Variants in POTEE observed in about 807,000 individuals in gnomAD.
POTEE encodes ANKRD26-like family C member 1A.
A neutral mutation model predicts 74.2 loss-of-function variants in POTEE; 21 were observed. The observed-to-expected ratio is 0.28, with a 90% CI of 0.20 to 0.41. The LOEUF is 0.41. Among genes scored for constraint, POTEE ranks in the 10% least tolerant of loss-of-function variants. POTEE has a pLI of 1.00. For synonymous variants in POTEE, 211 were observed against 432.8 expected, an observed-to-expected ratio of 0.49 and a Z score of 6.36; for missense variants, 525 against 1,158.6, an observed-to-expected ratio of 0.45 and a Z score of 7.94.
intron 1 of POTEE, among the ~76,000 whole-genome samples, chr2:131,210,639 T>A (rs1270747035): frequency 5.9e-5 from 9 of 151,430 alleles, no homozygotes; most frequent in African/African-American, 1.9e-4. Context: ...CCATGCTCTG[T>A]GTTGGGGAGA....
rs185352017 is a variant in POTEE, at chr2:131,211,811, C to T, written c.-189+628C>T. Among the ~76,000 whole-genome samples the T allele has an allele frequency of 7.7e-3, 1,162 of 150,960 alleles. 6 individuals carry two copies. Among genetic ancestry groups the T allele is most frequent in the Non-Finnish European group, 0.012 (842 of 67,776 alleles). On this transcript the variant is annotated intron_variant, in intron 2 of 17. Coordinates refer to ENST00000683005, the MANE Select transcript of POTEE (RefSeq NM_001083538.3). ...GACCTCATGATCCGCCCACCTTGGC[C>T]TCCCAAAGTGCTAGGATTATAGGCG...
intron 16 of POTEE, among the ~76,000 whole-genome samples, chr2:131,260,296 C>G (rs1701672571): frequency 6.7e-6 from 1 of 149,486 alleles, no homozygotes; most frequent in Middle Eastern, 3.4e-3. Flanking sequence ...TGTTGCTGTT[C>G]AGGCTCTTTT....
intron 4 of POTEE, among the ~76,000 whole-genome samples, chr2:131,221,035 G>C (rs1335551463): frequency 6.6e-6 from 1 of 151,658 alleles, no homozygotes; most frequent in Non-Finnish European, 1.5e-5. Flanking sequence ...ATGAAGAACA[G>C]TGGTACTTAC....
At position 131,218,744 on chromosome 2, in the gene POTEE, G is replaced by A. The variant is rs1700519938; in HGVS notation, c.342G>A (p.Lys114=). Residue 114 remains lysine, a synonymous_variant, in exon 4 of 18, where the codon AAG becomes AAA. Transcript: ENST00000683005. ...HCFPCCRGSG[K]SKVGAWGDYD... is the part of the protein sequence containing the mutation. ...TCCCCTGCTGCAGGGGGAGCGGCAA[G>A]AGCAAGGTGGGCGCTTGGGGAGACT... The A allele has an allele frequency of 2.5e-6, 4 of 1,612,944 alleles. No individual in the cohort carries two copies. In the African/African-American group the frequency reaches 5.3e-5, roughly 22 times the overall value.
chr2:131,262,785 G>A (rs1459926224), intron 17 of POTEE, among the ~76,000 whole-genome samples: 5 of 152,274 alleles, frequency 3.3e-5, no homozygotes. Context: ...AGATTTGACA[G>A]TTATAAATAA....
chr2:131,243,225 GT>G (rs1701281586), intron 12 of POTEE, among the ~76,000 whole-genome samples: 1 of 152,198 alleles, frequency 6.6e-6, no homozygotes. Context: ...TTATGTCATC[GT>G]TTCTTAGAGT....
intron 5 of POTEE, 32 bp downstream of exon 5, chr2:131,223,742 T>C (rs756816309): frequency 6.2e-7 from 1 of 1,609,896 alleles, no homozygotes; most frequent in African/African-American, 1.4e-5. Context: ...CAGCATGAGG[T>C]GGGTTTGATT....
chr2:131,230,440 A>G lies in POTEE; in HGVS notation c.1056-396A>G, dbSNP rs1344587098. Among the ~76,000 whole-genome samples the G allele has an allele frequency of 2.0e-5, 3 of 152,192 alleles. No individual in the cohort carries two copies. In the South Asian group the frequency reaches 6.2e-4, roughly 31 times the overall value. On this transcript the variant is annotated intron_variant, in intron 8 of 17. Transcript: ENST00000683005. ...AAAAATGTTATCTCGTTAAACCTTT[A>G]TAACAACCTAGTGAAATAAGGCAGC...
At chr2:131,230,960 A>T in intron 9 of POTEE, 54 bp downstream of exon 9, 1 of 1,534,992 alleles carries the variant, frequency 6.5e-7, no homozygotes, top group Non-Finnish European at 8.8e-7. Context: ...CCTTTTTGAC[A>T]CCAGGGACCG....
At chr2:131,217,814 TG>T (rs1559166912) in intron 3 of POTEE, among the ~76,000 whole-genome samples, 131 bp downstream of exon 3, 1 of 150,250 alleles carries the variant, frequency 6.7e-6, no homozygotes. Flanking sequence ...CTTGCTGGCT[TG>T]TAACGGCTTG....
intron 9 of POTEE, among the ~76,000 whole-genome samples, chr2:131,231,405 T>TGGTTC (rs904634568): frequency 6.6e-6 from 1 of 151,922 alleles, no homozygotes; most frequent in Non-Finnish European, 1.5e-5. Flanking sequence ...CTGTGTGGTG[T>TGGTTC]GGTTCATAAT....
chr2:131,210,970 A>G (rs1334649755), intron 1 of POTEE, among the ~76,000 whole-genome samples, 58 bp from the exon 2 acceptor site: 1 of 151,370 alleles, frequency 6.6e-6, no homozygotes, highest in Non-Finnish European at 1.5e-5. Context: ...CCTGCCACCC[A>G]GTGGCCAGCA....
chr2:131,211,976 C>T (rs1700370202), intron 2 of POTEE, among the ~76,000 whole-genome samples: 1 of 151,868 alleles, frequency 6.6e-6, no homozygotes, highest in African/African-American at 2.4e-5. Context: ...TTTGCTTTTT[C>T]TAGTCTGTGT....
At chr2:131,211,540 G>GTGTGT (rs70994742) in intron 2 of POTEE, among the ~76,000 whole-genome samples, 4 of 65,448 alleles carry the variant, frequency 6.1e-5, no homozygotes, top group African/African-American at 8.1e-5. Flanking sequence ...GTGTGTGTGT[G>GTGTGT]GCTTTTTTTT....
At chr2:131,222,690 C>G (rs558446292) in intron 4 of POTEE, among the ~76,000 whole-genome samples, 1 of 152,130 alleles carries the variant, frequency 6.6e-6, no homozygotes, top group Non-Finnish European at 1.5e-5. Context: ...TTGTATAAAT[C>G]TAAGTATTGA....
At chr2:131,220,072 T>C (rs1700570548) in intron 4 of POTEE, among the ~76,000 whole-genome samples, 2 of 151,862 alleles carry the variant, frequency 1.3e-5, no homozygotes, top group South Asian at 2.1e-4. Context: ...TCATAATTCA[T>C]GTTTGGAGAA....
rs781602104 is a variant in POTEE, at chr2:131,236,055, GGCTTGTGTAGGCAAGCTTACAGAA to G, written c.1127-674_1127-651del. Among the ~76,000 whole-genome samples, 576 of 152,214 alleles carry G rather than the reference GGCTTGTGTAGGCAAGCTTACAGAA, an allele frequency of 3.8e-3. 1 individual carries two copies. Among genetic ancestry groups the G allele is most frequent in the Admixed American group, 4.8e-3 (74 of 15,298 alleles). On this transcript the variant is annotated intron_variant, in intron 9 of 17. Coordinates refer to ENST00000683005, the MANE Select transcript of POTEE (RefSeq NM_001083538.3). ...TGAGCCCTGAACAAAGACACGGCTTGGCTTGTGTAGGCAAGCTTACAGAAGCAGAACAAAGGCAGTTAATCATAT... is the reference window on the plus strand; with the variant it reads ...TGAGCCCTGAACAAAGACACGGCTTGGCAGAACAAAGGCAGTTAATCATAT...
intron 6 of POTEE, among the ~76,000 whole-genome samples, chr2:131,224,925 G>A (rs918738914): frequency 2.6e-5 from 4 of 152,054 alleles, no homozygotes; most frequent in African/African-American, 9.7e-5. Flanking sequence ...TGGGAAGGGG[G>A]AAGATAAACA....
chr2:131,214,281 T>C (rs1700410477), intron 2 of POTEE, among the ~76,000 whole-genome samples: 1 of 152,242 alleles, frequency 6.6e-6, no homozygotes, highest in Non-Finnish European at 1.5e-5. Context: ...CAGAAATTAG[T>C]AGGGGAGAGA....
Sources: allele counts gnomAD v4.1 joint callset (sites outside exome capture counted in the v4.1 genomes callset), GRCh38; gene constraint gnomAD v4.1.1; transcripts MANE v1.5; gene names NCBI Gene and HGNC (gene_info 2026-07-23, HGNC 2026-07-21).